The following TTC17 variants were observed in gnomAD, a reference collection of about 807,000 sequenced individuals.
TTC17 encodes the protein tetratricopeptide repeat protein 17.
A neutral mutation model predicts 143.8 loss-of-function variants in TTC17; 58 were observed. That is an observed-to-expected ratio of 0.40 (90% CI 0.33 to 0.50). The LOEUF is 0.50. TTC17 is among the 20% of genes least tolerant of loss of function. The pLI, the probability that TTC17 is intolerant of heterozygous loss-of-function variation, is 0.49. For synonymous variants in TTC17, 501 were observed against 497.8 expected (o/e 1.01, Z -0.09); for missense variants, 1,273 against 1,392.5 (o/e 0.91, Z 1.37).
At chr11:43,368,309 C>T (rs545267586) in intron 1 of TTC17, among the ~76,000 whole-genome samples, 1 of 152,162 alleles carries the variant, frequency 6.6e-6, no homozygotes, top group Non-Finnish European at 1.5e-5. Flanking sequence ...GAACTTCAGA[C>T]TCATATATCC....
At chr11:43,491,012 T>C (rs1280109620) in intron 22 of TTC17, 9 of 152,352 alleles carry the variant, frequency 5.9e-5, no homozygotes, top group East Asian at 1.9e-4. Context: ...CCAGATCTTA[T>C]GCTTTTTAAA....
chr11:43,427,185 C>T (rs1019660854), intron 16 of TTC17, among the ~76,000 whole-genome samples: 1 of 152,164 alleles, frequency 6.6e-6, no homozygotes, highest in Non-Finnish European at 1.5e-5. Context: ...GGTTTTCCTA[C>T]TCGATCACTT....
chr11:43,393,294 C>T (rs1224446581), intron 5 of TTC17, among the ~76,000 whole-genome samples: 1 of 152,144 alleles, frequency 6.6e-6, no homozygotes, highest in Non-Finnish European at 1.5e-5. Flanking sequence ...CAGGGTGTTC[C>T]CACAGCTGCC....
In TTC17 at chr11:43,421,191, G is replaced by T. The variant is rs564428812; in HGVS notation, c.2251+6415G>T. Among the ~76,000 whole-genome samples, 287 of 152,262 alleles carry T rather than the reference G, an allele frequency of 1.9e-3. 1 individual carries two copies. The highest frequency in any genetic ancestry group is 3.4e-3 in the Middle Eastern group (1 of 294). ...TTAAGGGAGGCCCCACTGAGAAAGT[G>T]ACATTTGAACATAAGACTTGAGGAA... On this transcript the variant is annotated intron_variant, in intron 16 of 23. Coordinates refer to ENST00000039989, the MANE Select transcript of TTC17 (RefSeq NM_018259.6).
At chr11:43,375,777 T>C (rs1856743536) in intron 1 of TTC17, among the ~76,000 whole-genome samples, 1 of 152,332 alleles carries the variant, frequency 6.6e-6, no homozygotes, top group South Asian at 2.1e-4. Flanking sequence ...GACTCAAACT[T>C]GTTTTTGTAG....
In TTC17 at chr11:43,382,788, G is replaced by A. The variant is rs1055688385; in HGVS notation, c.249+3466G>A. On this transcript the variant is annotated intron_variant, in intron 2 of 23. Transcript: ENST00000039989. ...TATTCAGGAAATACAGAAAATAGAG[G>A]AACATGTTCAGTGAACCTTGAGTAC... 3.3e-5 allele frequency among the ~76,000 whole-genome samples: 5 copies of A among 152,156 alleles called. No homozygotes were observed. In the South Asian group the frequency reaches 1.0e-3, roughly 32 times the overall value.
chr11:43,393,285 A>G (rs1229168791), intron 5 of TTC17, among the ~76,000 whole-genome samples: 1 of 152,226 alleles, frequency 6.6e-6, no homozygotes, highest in African/African-American at 2.4e-5. Flanking sequence ...CTATAAAGTC[A>G]GGGTGTTCCC....
chr11:43,489,905 T>G (rs145483183), intron 21 of TTC17: 169 of 160,562 alleles, frequency 1.1e-3, no homozygotes, highest in African/African-American at 3.9e-3. Context: ...TTGAAACGTG[T>G]GACTGTGTTA....
chr11:43,446,013 G>C, intron 18 of TTC17: 2 of 1,534,320 alleles, frequency 1.3e-6, no homozygotes, highest in Non-Finnish European at 1.7e-6. Context: ...AGCCTCTTAT[G>C]ATATCCTTGT....
At chr11:43,422,980 C>G (rs1946942341) in intron 16 of TTC17, among the ~76,000 whole-genome samples, 1 of 152,132 alleles carries the variant, frequency 6.6e-6, no homozygotes, top group African/African-American at 2.4e-5. Context: ...GAAGATGCAG[C>G]TTAGGGCTAA....
intron 20 of TTC17, among the ~76,000 whole-genome samples, chr11:43,450,764 G>A (rs1290676409): frequency 6.6e-6 from 1 of 152,008 alleles, no homozygotes; most frequent in East Asian, 1.9e-4. Flanking sequence ...TATATAATGT[G>A]AAAACATAGG....
At chr11:43,435,583 T>G (rs1000575711) in intron 16 of TTC17, among the ~76,000 whole-genome samples, 4 of 152,336 alleles carry the variant, frequency 2.6e-5, no homozygotes, top group African/African-American at 9.6e-5. Context: ...TTATTTTTAT[T>G]GATATGACCA....
At chr11:43,385,133 A>T (rs1033113825) in intron 2 of TTC17, among the ~76,000 whole-genome samples, 1 of 152,234 alleles carries the variant, frequency 6.6e-6, no homozygotes, top group African/African-American at 2.4e-5. Flanking sequence ...TCAGAAACTG[A>T]TAAGTCCAAC....
chr11:43,406,098 A>G (rs867293596), intron 13 of TTC17, 147 bp downstream of exon 13: 2 of 1,055,402 alleles, frequency 1.9e-6, no homozygotes, highest in South Asian at 3.4e-5. Context: ...TGGTGAAATG[A>G]TGGCGAAGTC....
chr11:43,452,457 C>T (rs572350169), intron 21 of TTC17, among the ~76,000 whole-genome samples: 10 of 152,044 alleles, frequency 6.6e-5, no homozygotes, highest in East Asian at 1.9e-4. Context: ...GCCAAGATCG[C>T]GCCACTGCAC....
intron 21 of TTC17, among the ~76,000 whole-genome samples, chr11:43,481,543 C>G (rs1477231111): frequency 3.3e-5 from 5 of 152,102 alleles, no homozygotes; most frequent in Admixed American, 6.5e-5. Context: ...AATTATAGCT[C>G]TAATATCTTT....
At chr11:43,474,900 T>C (rs905370566) in intron 21 of TTC17, among the ~76,000 whole-genome samples, 2 of 152,126 alleles carry the variant, frequency 1.3e-5, no homozygotes, top group Non-Finnish European at 2.9e-5. Context: ...TAAGTGGAAG[T>C]GGATCATCTT....
At chr11:43,469,551 C>T in intron 21 of TTC17, among the ~76,000 whole-genome samples, 1 of 152,160 alleles carries the variant, frequency 6.6e-6, no homozygotes, top group East Asian at 1.9e-4. Context: ...ACATCCACAA[C>T]ATTGACGAAT....
chr11:43,421,155 G>T (rs1946893937), intron 16 of TTC17, among the ~76,000 whole-genome samples: 1 of 152,112 alleles, frequency 6.6e-6, no homozygotes, highest in Admixed American at 6.6e-5. Flanking sequence ...GTGCTCAAGG[G>T]GTTGGGGTCA....
Sources: gnomAD v4.1 joint callset for allele counts (sites outside exome capture counted in the v4.1 genomes callset) on GRCh38, gnomAD v4.1.1 for gene constraint, MANE v1.5 for transcripts, NCBI Gene and HGNC (gene_info 2026-07-23, HGNC 2026-07-21) for gene names.